Variants in CNTNAP4 observed in about 807,000 individuals in gnomAD.
CNTNAP4 encodes the protein contactin associated protein family member 4.
Under a neutral mutation model 148.4 loss-of-function variants are expected in CNTNAP4, and 98 were observed. The observed-to-expected ratio is 0.66, with a 90% CI of 0.56 to 0.78. The LOEUF (loss-of-function observed/expected upper bound fraction) is 0.78. Among genes scored for constraint, CNTNAP4 ranks in the 30% least tolerant of loss-of-function variants. The pLI is 0.00. For synonymous variants in CNTNAP4, 730 were observed against 565.1 expected (o/e 1.29, Z -4.14); for missense variants, 1,935 against 1,565.6 (o/e 1.24, Z -3.98).
chr16:76,491,943 C>T (rs2082239280), intron 13 of CNTNAP4, among the ~76,000 whole-genome samples: 1 of 152,058 alleles, frequency 6.6e-6, no homozygotes, highest in Admixed American at 6.6e-5. Context: ...AATAAAGCTG[C>T]AATGAACATG....
At chr16:76,408,054 T>C (rs1355031115) in intron 3 of CNTNAP4, among the ~76,000 whole-genome samples, 1 of 151,000 alleles carries the variant, frequency 6.6e-6, no homozygotes, top group Non-Finnish European at 1.5e-5. Context: ...GAGATTATGA[T>C]TAGTATTTTT....
intron 15 of CNTNAP4, among the ~76,000 whole-genome samples, chr16:76,516,185 A>T (rs1425857939): frequency 1.3e-5 from 2 of 150,542 alleles, no homozygotes; most frequent in African/African-American, 4.9e-5. Context: ...AAGTGATAAC[A>T]TGTGGTGTTT....
At position 76,277,763 on chromosome 16, in the gene CNTNAP4, A is replaced by T; in HGVS notation, c.85+16A>T. The T allele has an allele frequency of 6.6e-7, 1 of 1,507,102 alleles. No homozygotes were observed. Among genetic ancestry groups the T allele is most frequent in the Non-Finnish European group, 9.1e-7 (1 of 1,096,136 alleles). The allele number at this position is 1,507,102 out of a possible 1,614,324, so 93.4% of individuals were successfully genotyped here. On this transcript the variant is annotated intron_variant, in intron 1 of 23. Transcript: ENST00000611870. ...GGGAATTCCTGTAAGTATACAGCAA[A>T]TGATTTAAAACTTGCTGGGGGGCTC...
At chr16:76,311,077 A>G (rs987722828) in intron 1 of CNTNAP4, among the ~76,000 whole-genome samples, 1 of 152,174 alleles carries the variant, frequency 6.6e-6, no homozygotes, top group Non-Finnish European at 1.5e-5. Flanking sequence ...AGAACGTAGC[A>G]CCTAATAATA....
chr16:76,349,960 A>C (rs1212141604), intron 2 of CNTNAP4, among the ~76,000 whole-genome samples: 2 of 152,022 alleles, frequency 1.3e-5, no homozygotes, highest in African/African-American at 4.8e-5. Context: ...TATATTTTAA[A>C]GCTCCAACTA....
At chr16:76,304,783 C>T (rs919033206) in intron 1 of CNTNAP4, among the ~76,000 whole-genome samples, 1 of 152,168 alleles carries the variant, frequency 6.6e-6, no homozygotes, top group Non-Finnish European at 1.5e-5. Flanking sequence ...TTGTTTGGTT[C>T]TGCAATTACA....
intron 2 of CNTNAP4, among the ~76,000 whole-genome samples, chr16:76,339,818 T>C (rs1188125619): frequency 6.6e-6 from 1 of 152,248 alleles, no homozygotes; most frequent in Admixed American, 6.5e-5. Flanking sequence ...CATTCAAATA[T>C]GTCCATGGCT....
chr16:76,533,112 TA>T (rs373956611), intron 17 of CNTNAP4, among the ~76,000 whole-genome samples: 6,182 of 150,050 alleles, frequency 0.041, 179 homozygotes, highest in Admixed American at 0.1. Context: ...AATGAATCGA[TA>T]AAAAAAAAGT....
chr16:76,448,900 G>T lies in CNTNAP4; in HGVS notation c.876G>T (p.Arg292Ser), dbSNP rs143769864. 19 of 1,613,636 alleles carry T rather than the reference G, an allele frequency of 1.2e-5. No homozygotes were observed. Among genetic ancestry groups the T allele is most frequent in the Non-Finnish European group, 1.6e-5 (19 of 1,179,838 alleles). ...TCAACTTCACAGTGGACGAACACAG[G>T]CATCATTTCCATGCACGGGGAGAAT... ...KQVNFTVDEH[R>S]HHFHARGEFN... Residue 292 changes from arginine (R) to serine (S), a missense_variant, in exon 6 of 24, where the codon AGG becomes AGT. Transcript: ENST00000611870.
At chr16:76,310,735 A>G (rs1961008544) in intron 1 of CNTNAP4, among the ~76,000 whole-genome samples, 1 of 152,192 alleles carries the variant, frequency 6.6e-6, no homozygotes, top group Admixed American at 6.5e-5. Context: ...ATGTCTTCCA[A>G]ATAACTGAGA....
chr16:76,396,991 T>G (rs570683879), intron 3 of CNTNAP4, among the ~76,000 whole-genome samples: 62 of 152,254 alleles, frequency 4.1e-4, no homozygotes, highest in African/African-American at 1.5e-3. Context: ...GAGAGACTTA[T>G]GGAACTCGAT....
intron 3 of CNTNAP4, among the ~76,000 whole-genome samples, chr16:76,384,619 C>G (rs1164365278): frequency 2.6e-5 from 4 of 152,046 alleles, no homozygotes; most frequent in Non-Finnish European, 4.4e-5. Context: ...CTCCTTGGTA[C>G]CTACCTTAGG....
intron 3 of CNTNAP4, among the ~76,000 whole-genome samples, chr16:76,392,200 G>A (rs1453888158): frequency 1.3e-5 from 2 of 152,164 alleles, no homozygotes; most frequent in African/African-American, 4.8e-5. Context: ...CATCTTGTTA[G>A]CCAGGCTTGT....
At chr16:76,538,962 G>A (rs1434861155) in intron 19 of CNTNAP4, among the ~76,000 whole-genome samples, 1 of 151,998 alleles carries the variant, frequency 6.6e-6, no homozygotes, top group Non-Finnish European at 1.5e-5. Context: ...GATAAGAAAA[G>A]CAAACATACA....
At chr16:76,416,082 A>G (rs1416625592) in intron 3 of CNTNAP4, among the ~76,000 whole-genome samples, 4 of 151,188 alleles carry the variant, frequency 2.6e-5, no homozygotes, top group African/African-American at 9.7e-5. Flanking sequence ...TTCTTCTGAT[A>G]TCCATGGGCT....
chr16:76,457,592 C>T (rs7187087), intron 8 of CNTNAP4, among the ~76,000 whole-genome samples: 52,702 of 151,950 alleles, frequency 0.35, 10,163 homozygotes, highest in Non-Finnish European at 0.42. Flanking sequence ...GCATGCCTAA[C>T]CAATGACTGC....
chr16:76,449,272 A>G (rs191840568), intron 6 of CNTNAP4, among the ~76,000 whole-genome samples: 70 of 152,354 alleles, frequency 4.6e-4, no homozygotes, highest in African/African-American at 1.6e-3. Flanking sequence ...GATGTTTGCT[A>G]TGACTTCTTT....
At chr16:76,474,654 A>C (rs1449598662) in intron 10 of CNTNAP4, among the ~76,000 whole-genome samples, 1 of 152,154 alleles carries the variant, frequency 6.6e-6, no homozygotes, top group Non-Finnish European at 1.5e-5. Context: ...TCTTGATCTC[A>C]GTGTATCTTT....
Position 76,356,129 on chromosome 16 carries a change from C to T in CNTNAP4, c.390+618C>T, listed in dbSNP as rs9929342. 7.2e-3 allele frequency among the ~76,000 whole-genome samples: 1,103 copies of T among 152,160 alleles called. 12 individuals are homozygous for T. The highest frequency in any genetic ancestry group is 0.025 in the African/African-American group (1,028 of 41,502). ...GCCTCAAGCAGTCCACCTGTCTCGG[C>T]GTCCCAAAGTGCTGGGATTATAGGC... On this transcript the variant is annotated intron_variant, in intron 3 of 23. Coordinates refer to ENST00000611870, the MANE Select transcript of CNTNAP4 (RefSeq NM_033401.5).
Sources: gnomAD v4.1 joint callset for allele counts (sites outside exome capture counted in the v4.1 genomes callset) on GRCh38, gnomAD v4.1.1 for gene constraint, MANE v1.5 for transcripts, NCBI Gene and HGNC (gene_info 2026-07-23, HGNC 2026-07-21) for gene names.